Variants in TMED9 observed in about 807,000 individuals in gnomAD.
TMED9 encodes transmembrane emp24 domain-containing protein 9.
Under a neutral mutation model 30.6 loss-of-function variants are expected in TMED9, and 22 were observed. The ratio of observed to expected loss-of-function variants is 0.72; its 90% confidence interval spans 0.51 to 1.03. The LOEUF is 1.03. Ranked by LOEUF, TMED9 falls within the 50% of genes least tolerant of loss-of-function variation. The pLI is 0.00. For synonymous variants in TMED9, 146 were observed against 122.8 expected (o/e 1.19, Z -1.25); for missense variants, 251 against 302.1 (o/e 0.83, Z 1.25).
intron 3 of TMED9, 133 bp downstream of exon 3, chr5:177,593,908 G>A: frequency 1.5e-6 from 2 of 1,348,218 alleles, no homozygotes; most frequent in Non-Finnish European, 2.1e-6. Flanking sequence ...GTTTCCACTG[G>A]ATGTCCAGGA....
Position 177,592,348 on chromosome 5 carries a change from C to G in TMED9, c.134C>G (p.Thr45Arg). 6.2e-7 allele frequency: 1 copy of G among 1,605,530 alleles called. No individual in the cohort carries two copies. The highest frequency in any genetic ancestry group is 2.2e-5 in the East Asian group (1 of 44,538). ...GCGCTCTACTTTCACATCGGAGAGA[C>G]GGAGAAGAAGTGCTTTATTGAGGAG... ...GSALYFHIGE[T>R]EKKCFIEEIP... is the part of the protein sequence containing the mutation. The change falls in exon 1 of 5, where the codon ACG becomes AGG. Residue 45 changes from threonine (T) to arginine (R), a missense_variant. Thr to Arg is a moderately conservative substitution (Grantham distance 71). Around this residue, in one of 2 missense-constraint regions of TMED9, gnomAD observed 98 missense variants for 62.5 expected, o/e 1.57. Transcript: ENST00000332598.
In TMED9 at chr5:177,595,322, G is replaced by C. The variant is rs760435425; in HGVS notation, c.614G>C (p.Trp205Ser). 1.2e-6 allele frequency: 2 copies of C among 1,612,196 alleles called. No homozygotes were observed. The highest frequency in any genetic ancestry group is 1.7e-6 in the Non-Finnish European group (2 of 1,178,796). ...GAGAGCACCAACCAGCGGGTGCTGT[G>C]GTGGTCCATTCTGCAGACCCTCATC... ...TSESTNQRVL[W>S]WSILQTLILV... Residue 205 changes from tryptophan to serine, a missense_variant, in exon 5 of 5, where the codon TGG becomes TCG. Around this residue, in one of 2 missense-constraint regions of TMED9, gnomAD observed 153 missense variants for 239.6 expected, o/e 0.64. Coordinates refer to ENST00000332598, the MANE Select transcript of TMED9 (RefSeq NM_017510.6).
At chr5:177,594,055 A>G in intron 3 of TMED9, 84 bp from the exon 4 acceptor site, 2 of 1,561,986 alleles carry the variant, frequency 1.3e-6, no homozygotes, top group Non-Finnish European at 8.7e-7. Context: ...CAGATGAAGG[A>G]AAGTCGGGGA....
intron 4 of TMED9, 122 bp from the exon 5 acceptor site, chr5:177,595,145 A>G (rs1767664524): frequency 9.4e-7 from 1 of 1,061,714 alleles, no homozygotes; most frequent in Non-Finnish European, 1.3e-6. Context: ...GTAGAGTGAC[A>G]CTTTGCAGGC....
chr5:177,593,155 CAA>C (rs56909658), intron 2 of TMED9: 37,875 of 96,202 alleles, frequency 0.39, 6,509 homozygotes, highest in East Asian at 0.7. Context: ...AGTAAAAATA[CAA>C]AAAAAAAAAA....
chr5:177,596,253 C>G lies in TMED9; in HGVS notation c.*837C>G, dbSNP rs773243376. The G allele has an allele frequency of 1.2e-4, 18 of 152,246 alleles. No homozygotes were observed. The highest frequency in any genetic ancestry group is 2.1e-4 in the Non-Finnish European group (14 of 68,068). 9.4% of individuals were successfully genotyped at this position (152,246 alleles called of 1,614,324 possible). On this transcript the variant is annotated 3_prime_UTR_variant, in exon 5 of 5. Coordinates refer to ENST00000332598, the MANE Select transcript of TMED9 (RefSeq NM_017510.6). ...GTCAGCTTCATTCTTTCCTTCTTCT[C>G]CAGGCCTTCCTGTGGCAGGGAATAG...
chr5:177,594,431 G>A (rs775635642), intron 4 of TMED9, 146 bp downstream of exon 4: 9 of 955,816 alleles, frequency 9.4e-6, no homozygotes, highest in African/African-American at 1.7e-5. Context: ...TTACTAACTC[G>A]ACCTTGTAAT....
chr5:177,594,269 A>G lies in TMED9; in HGVS notation c.542A>G (p.Glu181Gly). The G allele has an allele frequency of 6.2e-7, 1 of 1,614,158 alleles. No homozygotes were observed. Among genetic ancestry groups the G allele is most frequent in the Non-Finnish European group, 8.5e-7 (1 of 1,180,012 alleles). The change falls in exon 4 of 5, where the codon GAG (glutamate) becomes GGG (glycine). Residue 181 changes from glutamate (E) to glycine (G), a missense_variant. Glu to Gly is a moderately conservative substitution (Grantham distance 98, BLOSUM62 -2). Around this residue, in one of 2 missense-constraint regions of TMED9, gnomAD observed 153 missense variants for 239.6 expected, o/e 0.64. Coordinates refer to ENST00000332598, the MANE Select transcript of TMED9 (RefSeq NM_017510.6). ...GAACAAGTGGAGCAGATCCAGAAAG[A>G]GCAGAACTACCAGCGGGTGAGTGAC... is the stretch of plus-strand genomic sequence containing the variant. ...LVEQVEQIQK[E>G]QNYQRWREER...
At position 177,597,123 on chromosome 5, in the gene TMED9, G is replaced by A. The variant is rs199588146; in HGVS notation, c.*1707G>A. On this transcript the variant is annotated 3_prime_UTR_variant, in exon 5 of 5. Transcript: ENST00000332598. Reference sequence around the variant, plus strand: ...TAATTCTTCCACATGAAAAAAAAAAGTTTTTTGGCGGGCACGGTGGTTCAC... The same window carrying A: ...TAATTCTTCCACATGAAAAAAAAAAATTTTTTGGCGGGCACGGTGGTTCAC... Among the ~76,000 whole-genome samples, 1 of 129,610 alleles carries A rather than the reference G, an allele frequency of 7.7e-6. No individual in the cohort carries two copies. Among genetic ancestry groups the A allele is most frequent in the Non-Finnish European group, 1.7e-5 (1 of 59,646 alleles). The allele number at this position is 129,610 out of a possible 152,430, so 85.0% of individuals were successfully genotyped here.
intron 4 of TMED9, among the ~76,000 whole-genome samples, chr5:177,594,674 C>G (rs141709151): frequency 1.5e-3 from 231 of 152,370 alleles, no homozygotes; most frequent in African/African-American, 5.2e-3. Flanking sequence ...AGCCACTGTT[C>G]AGTGTCACCT....
intron 4 of TMED9, among the ~76,000 whole-genome samples, chr5:177,594,707 C>T (rs1223381488): frequency 6.6e-6 from 1 of 152,248 alleles, no homozygotes; most frequent in Non-Finnish European, 1.5e-5. Context: ...GCAGAAATAC[C>T]AGCCCTGGCT....
intron 4 of TMED9, among the ~76,000 whole-genome samples, chr5:177,594,486 G>A (rs965403220): frequency 5.3e-5 from 8 of 152,238 alleles, no homozygotes; most frequent in Non-Finnish European, 8.8e-5. Flanking sequence ...CTAAATCACA[G>A]TTACACACAG....
In TMED9 at chr5:177,592,477, C is replaced by T. The variant is rs544042714; in HGVS notation, c.184+79C>T. On this transcript the variant is annotated intron_variant, in intron 1 of 4. Coordinates refer to ENST00000332598, the MANE Select transcript of TMED9 (RefSeq NM_017510.6). Reference sequence around the variant, plus strand: ...CGGGGGATGCGAGACAGTCAGCTCTCTAGAGCCGGGAGGAGACGGCCTCGC... The same window carrying T: ...CGGGGGATGCGAGACAGTCAGCTCTTTAGAGCCGGGAGGAGACGGCCTCGC... The T allele has an allele frequency of 5.8e-6, 9 of 1,556,718 alleles. No individual in the cohort carries two copies. In the South Asian group the frequency reaches 1.1e-4, roughly 18 times the overall value.
chr5:177,596,016 CTGGT>C lies in TMED9; in HGVS notation c.*604_*607del, dbSNP rs1767683528. The C allele has an allele frequency of 6.6e-6, 1 of 152,470 alleles. No homozygotes were observed. Among genetic ancestry groups the C allele is most frequent in the Non-Finnish European group, 1.5e-5 (1 of 68,036 alleles). 9.4% of individuals were successfully genotyped at this position (152,470 alleles called of 1,614,324 possible). A position where few individuals can be genotyped will look rare whatever the true frequency, so the allele number is the denominator to read the frequency against. ...ACCAGACCAAGTAGAGGCCTTGGTGCTGGTTGGGGTGGGGCCTGCAGAGTCTTAG... is the reference window on the plus strand; with the variant it reads ...ACCAGACCAAGTAGAGGCCTTGGTGCTGGGGTGGGGCCTGCAGAGTCTTAG... On this transcript the variant is annotated 3_prime_UTR_variant, in exon 5 of 5. Transcript: ENST00000332598.
Position 177,597,100 on chromosome 5 carries a change from AT to A in TMED9, c.*1686del, listed in dbSNP as rs1351135889. ...CAATCTGGGCTCATGCTGCCAACTA[AT>A]TCTTCCACATGAAAAAAAAAAGTTT... On this transcript the variant is annotated 3_prime_UTR_variant, in exon 5 of 5. Coordinates refer to ENST00000332598, the MANE Select transcript of TMED9 (RefSeq NM_017510.6). 2.3e-5 allele frequency among the ~76,000 whole-genome samples: 3 copies of A among 130,518 alleles called. No homozygotes were observed. The highest frequency in any genetic ancestry group is 8.9e-5 in the African/African-American group (3 of 33,836). 85.6% of individuals were successfully genotyped at this position (130,518 alleles called of 152,430 possible). A position where few individuals can be genotyped will look rare whatever the true frequency, so the allele number is the denominator to read the frequency against.
Position 177,595,408 on chromosome 5 carries a change from C to T in TMED9, c.700C>T (p.Leu234Phe). The change falls in exon 5 of 5, where the codon CTT becomes TTT. Residue 234 changes from leucine to phenylalanine, a missense_variant. Physicochemically the swap from Leu to Phe is conservative, Grantham distance 22. Transcript: ENST00000332598. ...HLKSFFEAKK[L>F]V The stretch of plus-strand genomic sequence containing the variant: ...CAAGAGCTTCTTTGAAGCCAAGAAG[C>T]TTGTGTAGCTGTCCCAGGCGTCACA... 2 of 1,609,294 alleles carry T rather than the reference C, an allele frequency of 1.2e-6. No individual in the cohort carries two copies. Among genetic ancestry groups the T allele is most frequent in the South Asian group, 1.1e-5 (1 of 90,626 alleles).
At chr5:177,592,921 C>T (rs1404021587) in intron 2 of TMED9, among the ~76,000 whole-genome samples, 1 of 152,036 alleles carries the variant, frequency 6.6e-6, no homozygotes, top group East Asian at 1.9e-4. Flanking sequence ...GATACTTTCC[C>T]CACAAAATGA....
intron 2 of TMED9, among the ~76,000 whole-genome samples, chr5:177,592,882 C>T (rs1010156685): frequency 8.5e-5 from 13 of 152,122 alleles, no homozygotes; most frequent in African/African-American, 3.1e-4. Flanking sequence ...CTCTTAAAGT[C>T]ATCTAGACTT....
At chr5:177,593,962 G>C in intron 3 of TMED9, 177 bp from the exon 4 acceptor site, 1 of 1,187,560 alleles carries the variant, frequency 8.4e-7, no homozygotes, top group Non-Finnish European at 1.2e-6. Flanking sequence ...CAGAGCACCA[G>C]CCCAGGCTTA....
Sources: allele counts gnomAD v4.1 joint callset (sites outside exome capture counted in the v4.1 genomes callset), GRCh38; gene constraint gnomAD v4.1.1; regional missense constraint gnomAD v4.1.1; transcripts MANE v1.5; gene names NCBI Gene and HGNC (gene_info 2026-07-23, HGNC 2026-07-21).